Variants in ADAMTS6 observed in about 807,000 individuals in gnomAD.
ADAMTS6 encodes the protein A disintegrin and metalloproteinase with thrombospondin motifs 6.
A neutral mutation model predicts 144.3 loss-of-function variants in ADAMTS6; 23 were observed. That is an observed-to-expected ratio of 0.16 (90% CI 0.11 to 0.23). The LOEUF is 0.23. Among genes scored for constraint, ADAMTS6 ranks in the 10% least tolerant of loss-of-function variants. The probability of loss-of-function intolerance (pLI) is 1.00; values close to 1 mark genes in which losing one functional copy is unlikely to be tolerated. For missense variants in ADAMTS6, 999 were observed against 1,379.6 expected (o/e 0.72, Z 4.37); for synonymous variants, 444 against 457.5 (o/e 0.97, Z 0.38).
At chr5:65,380,129 T>C (rs1240104168) in intron 7 of ADAMTS6, among the ~76,000 whole-genome samples, 3 of 152,100 alleles carry the variant, frequency 2.0e-5, no homozygotes, top group Non-Finnish European at 2.9e-5. Context: ...AACTTTTTTT[T>C]CTCCAGACAG....
At chr5:65,382,804 T>C (rs1026067354) in intron 7 of ADAMTS6, among the ~76,000 whole-genome samples, 2 of 152,226 alleles carry the variant, frequency 1.3e-5, no homozygotes, top group African/African-American at 4.8e-5. Flanking sequence ...TCTACTGTTC[T>C]CTTTTATGTA....
At chr5:65,195,043 G>A (rs1049149248) in intron 21 of ADAMTS6, among the ~76,000 whole-genome samples, 1 of 152,104 alleles carries the variant, frequency 6.6e-6, no homozygotes, top group African/African-American at 2.4e-5. Context: ...GTGTGACCAG[G>A]CTCACTCAGA....
chr5:65,452,076 T>C, intron 6 of ADAMTS6, 57 bp downstream of exon 6: 1 of 1,266,988 alleles, frequency 7.9e-7, no homozygotes, highest in Non-Finnish European at 1.1e-6. Flanking sequence ...TAAGTAATTC[T>C]ATAGCTCTAT....
chr5:65,324,641 A>G (rs1479739747), intron 9 of ADAMTS6, among the ~76,000 whole-genome samples: 1 of 152,056 alleles, frequency 6.6e-6, no homozygotes, highest in East Asian at 1.9e-4. Context: ...CACACATAAT[A>G]TACACATAAA....
At chr5:65,296,147 T>C (rs1742816201) in intron 10 of ADAMTS6, among the ~76,000 whole-genome samples, 1 of 152,144 alleles carries the variant, frequency 6.6e-6, no homozygotes, top group Non-Finnish European at 1.5e-5. Context: ...GTATATATCT[T>C]AACAGTCTCT....
intron 9 of ADAMTS6, among the ~76,000 whole-genome samples, chr5:65,328,900 TTTTC>T (rs999843718): frequency 4.6e-5 from 7 of 151,990 alleles, no homozygotes; most frequent in African/African-American, 1.7e-4. Context: ...GCAGTTTTTT[TTTTC>T]TTTATCAATG....
At chr5:65,356,052 C>CT (rs1749292500) in intron 7 of ADAMTS6, among the ~76,000 whole-genome samples, 3 of 151,652 alleles carry the variant, frequency 2.0e-5, no homozygotes, top group Admixed American at 2.0e-4. Flanking sequence ...CATGTTCAGA[C>CT]TTTTTTTTCC....
chr5:65,260,524 TTTAAAA>T, intron 14 of ADAMTS6, 70 bp downstream of exon 14: 1 of 1,198,268 alleles, frequency 8.3e-7, no homozygotes, highest in Non-Finnish European at 1.2e-6. Context: ...TATCAAATAG[TTTAAAA>T]TTAAAAAAAT....
At chr5:65,186,888 A>ACCAT (rs1754705921) in intron 22 of ADAMTS6, among the ~76,000 whole-genome samples, 1 of 152,204 alleles carries the variant, frequency 6.6e-6, no homozygotes, top group Non-Finnish European at 1.5e-5. Flanking sequence ...ACTTCCATGT[A>ACCAT]CCATCTTAAA....
chr5:65,226,568 T>C (rs1223602512), intron 15 of ADAMTS6, among the ~76,000 whole-genome samples: 2 of 151,984 alleles, frequency 1.3e-5, no homozygotes, highest in Non-Finnish European at 2.9e-5. Context: ...GAATGTTTTT[T>C]AAAAAAATAA....
At chr5:65,371,429 A>G (rs941345315) in intron 7 of ADAMTS6, among the ~76,000 whole-genome samples, 3 of 152,060 alleles carry the variant, frequency 2.0e-5, no homozygotes, top group African/African-American at 7.3e-5. Flanking sequence ...TGCTTAAAGG[A>G]GCTGATGGAG....
chr5:65,373,544 C>G (rs1047898678), intron 7 of ADAMTS6, among the ~76,000 whole-genome samples: 2 of 151,532 alleles, frequency 1.3e-5, no homozygotes, highest in Non-Finnish European at 2.9e-5. Context: ...TACACTCTCC[C>G]AAGACTAAAC....
chr5:65,407,515 T>C (rs1580631512), intron 7 of ADAMTS6, among the ~76,000 whole-genome samples: 1 of 109,602 alleles, frequency 9.1e-6, no homozygotes, highest in Admixed American at 1.3e-4. Context: ...CAGTCCCCGG[T>C]GTGTGATGTT....
At chr5:65,329,278 G>A in intron 9 of ADAMTS6, 100 bp downstream of exon 9, 1 of 973,994 alleles carries the variant, frequency 1.0e-6, no homozygotes, top group East Asian at 2.6e-5. Flanking sequence ...AGACAAAAAG[G>A]TAGTAAAATA....
At chr5:65,323,788 T>G (rs1745887594) in intron 9 of ADAMTS6, among the ~76,000 whole-genome samples, 1 of 152,222 alleles carries the variant, frequency 6.6e-6, no homozygotes, top group South Asian at 2.1e-4. Flanking sequence ...TGTTGTTTCC[T>G]GACTTTTTAA....
chr5:65,187,964 T>G, intron 22 of ADAMTS6, 52 bp downstream of exon 22: 4 of 1,581,510 alleles, frequency 2.5e-6, no homozygotes, highest in Non-Finnish European at 3.5e-6. Context: ...TGCTTTAGGA[T>G]AGATAGTTAG....
chr5:65,439,833 T>G (rs1757731839), intron 7 of ADAMTS6, among the ~76,000 whole-genome samples: 1 of 152,204 alleles, frequency 6.6e-6, no homozygotes, highest in African/African-American at 2.4e-5. Context: ...TGAAAGAGTC[T>G]CACTTTGTCA....
At chr5:65,456,233 CTTGTT>C (rs1187437564) in intron 4 of ADAMTS6, among the ~76,000 whole-genome samples, 1 of 151,996 alleles carries the variant, frequency 6.6e-6, no homozygotes, top group East Asian at 1.9e-4. Flanking sequence ...ACAAGATTGA[CTTGTT>C]TTGTTTCAAA....
chr5:65,395,710 T>A (rs939799152), intron 7 of ADAMTS6, among the ~76,000 whole-genome samples: 1 of 152,228 alleles, frequency 6.6e-6, no homozygotes, highest in South Asian at 2.1e-4. Flanking sequence ...CTGTACTTAA[T>A]GGGCTGTTAA....
Sources: allele counts gnomAD v4.1 joint callset (sites outside exome capture counted in the v4.1 genomes callset), GRCh38; gene constraint gnomAD v4.1.1; transcripts MANE v1.5; gene names NCBI Gene and HGNC (gene_info 2026-07-23, HGNC 2026-07-21).